Variants in IGDCC3 observed in about 807,000 individuals in gnomAD.
IGDCC3 encodes immunoglobulin superfamily DCC subclass member 3.
Under a neutral mutation model 72.0 loss-of-function variants are expected in IGDCC3, and 47 were observed. The observed-to-expected ratio is 0.65, with a 90% CI of 0.52 to 0.83. The LOEUF (loss-of-function observed/expected upper bound fraction) is 0.83, where lower values mean the gene tolerates loss of function less well. Among genes scored for constraint, IGDCC3 ranks in the 40% least tolerant of loss-of-function variants. IGDCC3 has a pLI of 0.00. For missense variants in IGDCC3, 1,038 were observed against 1,091.3 expected, an observed-to-expected ratio of 0.95 and a Z score of 0.69; for synonymous variants, 477 against 472.8, an observed-to-expected ratio of 1.01 and a Z score of -0.11.
At chr15:65,358,050 G>T (rs935410627) in intron 2 of IGDCC3, among the ~76,000 whole-genome samples, 4 of 150,754 alleles carry the variant, frequency 2.7e-5, no homozygotes, top group Non-Finnish European at 4.4e-5. Flanking sequence ...TTTCTAGAGA[G>T]AAAAAAGATC....
chr15:65,336,049 G>A, intron 2 of IGDCC3, 93 bp from the exon 3 acceptor site: 1 of 1,328,940 alleles, frequency 7.5e-7, no homozygotes, highest in Non-Finnish European at 1.1e-6. Context: ...ACGGAGACCT[G>A]GAGCCCACTC....
chr15:65,375,242 G>GGA lies in IGDCC3; in HGVS notation c.262_263dup (p.Thr89ProfsTer9). 6.2e-7 allele frequency: 1 copy of GGA among 1,614,230 alleles called. No homozygotes were observed. Among genetic ancestry groups the GGA allele is most frequent in the South Asian group, 1.1e-5 (1 of 91,086 alleles). ...TCAAGGACCCATTGGCCAGCAAGGT[G>GGA]GAGTGGGTACTCTCTGGCAGCTCTA... On this transcript the variant is annotated frameshift_variant, in exon 2 of 14. Transcript: ENST00000327987. LOFTEE classifies it high-confidence loss of function.
intron 2 of IGDCC3, among the ~76,000 whole-genome samples, chr15:65,352,911 C>T (rs1025602835): frequency 3.9e-5 from 6 of 152,118 alleles, no homozygotes; most frequent in African/African-American, 1.2e-4. Flanking sequence ...TTTGTTTCTG[C>T]AATTTAGGCT....
chr15:65,366,075 G>A (rs1392271633), intron 2 of IGDCC3, among the ~76,000 whole-genome samples: 1 of 152,100 alleles, frequency 6.6e-6, no homozygotes, highest in Non-Finnish European at 1.5e-5. Flanking sequence ...GGGCGTGGTG[G>A]CAGGCGCCTG....
Position 65,328,842 on chromosome 15 carries a change from G to C in IGDCC3, c.*67C>G. Reference sequence around the variant, plus strand: ...ACCATCCAAATCCCACATGACAGTAGAAATCTTGCTTTTGACCTGAGAATG... The same window carrying C: ...ACCATCCAAATCCCACATGACAGTACAAATCTTGCTTTTGACCTGAGAATG... On this transcript the variant is annotated 3_prime_UTR_variant, in exon 14 of 14. Coordinates refer to ENST00000327987, the MANE Select transcript of IGDCC3 (RefSeq NM_004884.4). 6.7e-7 allele frequency: 1 copy of C among 1,485,606 alleles called. No homozygotes were observed. Among genetic ancestry groups the C allele is most frequent in the Non-Finnish European group, 8.9e-7 (1 of 1,117,322 alleles). 92.0% of individuals were successfully genotyped at this position (1,485,606 alleles called of 1,614,324 possible).
rs551236424 is a variant in IGDCC3 at position 65,330,403 on chromosome 15, G to A, written c.1754-6C>T. On this transcript the variant is annotated splice_polypyrimidine_tract_variant and splice_region_variant and intron_variant, in intron 10 of 13. Transcript: ENST00000327987. ...CTCATACACTGCAGTGGGGTCTGGA[G>A]GAAGGCAGGGCGGATGAGCAACTGC... 1.9e-6 allele frequency: 3 copies of A among 1,609,876 alleles called. No homozygotes were observed. Among genetic ancestry groups the A allele is most frequent in the Admixed American group, 1.7e-5 (1 of 59,896 alleles).
Position 65,377,566 on chromosome 15 carries a change from G to C in IGDCC3, c.103+120C>G. 2 of 1,022,540 alleles carry C rather than the reference G, an allele frequency of 2.0e-6. No individual in the cohort carries two copies. The highest frequency in any genetic ancestry group is 3.7e-5 in the East Asian group (1 of 27,384). 63.3% of individuals were successfully genotyped at this position (1,022,540 alleles called of 1,614,324 possible). On this transcript the variant is annotated intron_variant, in intron 1 of 13. Coordinates refer to ENST00000327987, the MANE Select transcript of IGDCC3 (RefSeq NM_004884.4). The surrounding 1 kb of genome is among the most constrained non-coding windows in gnomAD (Gnocchi z 4.9). ...CGGATCCGCAGGGTCCCCCCCGCGC[G>C]GGGTCCGCCCTCAGGTCCGCGCCGC...
intron 2 of IGDCC3, among the ~76,000 whole-genome samples, chr15:65,347,077 G>T (rs577167387): frequency 6.6e-6 from 1 of 152,136 alleles, no homozygotes; most frequent in African/African-American, 2.4e-5. Flanking sequence ...AACCTGCCCA[G>T]TCCCACAATA....
At chr15:65,369,655 AG>A (rs1420763667) in intron 2 of IGDCC3, among the ~76,000 whole-genome samples, 2 of 152,094 alleles carry the variant, frequency 1.3e-5, no homozygotes, top group Non-Finnish European at 2.9e-5. Flanking sequence ...GTTAAGCGGG[AG>A]AAGAACTTCA....
chr15:65,328,954 CCTGGAAG>C lies in IGDCC3; in HGVS notation c.2393_2399del (p.Ala798GlyfsTer108), dbSNP rs2090948577. The C allele has an allele frequency of 1.3e-6, 2 of 1,582,250 alleles. No individual in the cohort carries two copies. Among genetic ancestry groups the C allele is most frequent in the African/African-American group, 1.4e-5 (1 of 73,460 alleles). On this transcript the variant is annotated frameshift_variant, in exon 14 of 14. Coordinates refer to ENST00000327987, the MANE Select transcript of IGDCC3 (RefSeq NM_004884.4). LOFTEE classifies it low-confidence loss of function (END_TRUNC). The stretch of plus-strand genomic sequence containing the variant: ...GCTGGGTAACCCGGGCCGCTGCAGG[CCTGGAAG>C]CCTGGCCTTCACTGAGGAGGCCAGG...
rs766472764 is a variant in IGDCC3 at position 65,356,848 on chromosome 15, C to CTTT, written c.409+18246_409+18248dup. ...GATGTGAGATTTGAGAATGGACCTG[C>CTTT]TTTTTTTTTTTTTTTTTTTGAGATG... is the stretch of plus-strand genomic sequence containing the variant. On this transcript the variant is annotated intron_variant, in intron 2 of 13. Coordinates refer to ENST00000327987, the MANE Select transcript of IGDCC3 (RefSeq NM_004884.4). 2.8e-3 allele frequency among the ~76,000 whole-genome samples: 197 copies of CTTT among 70,880 alleles called. 25 individuals carry two copies. The highest frequency in any genetic ancestry group is 9.3e-3 in the African/African-American group (140 of 15,030). 46.5% of individuals were successfully genotyped at this position (70,880 alleles called of 152,430 possible). A position where few individuals can be genotyped will look rare whatever the true frequency, so the allele number is the denominator to read the frequency against.
intron 4 of IGDCC3, 103 bp downstream of exon 4, chr15:65,335,188 G>T: frequency 7.8e-7 from 1 of 1,288,716 alleles, no homozygotes; most frequent in Non-Finnish European, 1.1e-6. Context: ...CACGCACGTG[G>T]CTGAGAAGGC....
At chr15:65,331,906 C>T (rs1374138026) in intron 7 of IGDCC3, 35 bp downstream of exon 7, 2 of 1,596,102 alleles carry the variant, frequency 1.3e-6, no homozygotes, top group South Asian at 2.2e-5. Context: ...CCTGCTCTCC[C>T]CTGGTCCTCA....
rs1028353212 is a variant in IGDCC3, at chr15:65,361,353, G to T, written c.409+13744C>A. ...GGTACTTGGGAGGCTGAGGTGGGAG[G>T]ATTGTTTGGGCCCCAGAGGTTGAGG... is the stretch of plus-strand genomic sequence containing the variant. On this transcript the variant is annotated intron_variant, in intron 2 of 13. Transcript: ENST00000327987. 2.6e-5 allele frequency among the ~76,000 whole-genome samples: 4 copies of T among 151,652 alleles called. 1 individual carries two copies. Among genetic ancestry groups the T allele is most frequent in the Non-Finnish European group, 5.9e-5 (4 of 67,936 alleles).
intron 2 of IGDCC3, chr15:65,356,076 T>C: frequency 4.0e-6 from 1 of 250,468 alleles, no homozygotes; most frequent in South Asian, 3.4e-5. Flanking sequence ...AGGGGCGCTC[T>C]AACTGAGCGC....
chr15:65,329,033 G>A lies in IGDCC3; in HGVS notation c.2321C>T (p.Ala774Val). 1.2e-6 allele frequency: 2 copies of A among 1,612,664 alleles called. No homozygotes were observed. Among genetic ancestry groups the A allele is most frequent in the South Asian group, 2.2e-5 (2 of 90,994 alleles). ...GGCAGCCGCCAGGCCGGCGCAGGGA[G>A]CCGTGGCCTCTGTGGTCTTCGCCTC... is the stretch of plus-strand genomic sequence containing the variant. ...TTEAKTTEAT[A>V]PCAGLAAAPP... The change falls in exon 14 of 14, where the codon GCT becomes GTT. Residue 774 changes from alanine to valine, a missense_variant. Transcript: ENST00000327987. This position sits in a 1 kb window ranked among gnomAD's most constrained non-coding sequence, Gnocchi z 4.1.
chr15:65,360,264 G>A (rs915774817), intron 2 of IGDCC3, among the ~76,000 whole-genome samples: 1 of 152,208 alleles, frequency 6.6e-6, no homozygotes, highest in African/African-American at 2.4e-5. Context: ...CAGCCTGCCT[G>A]TAATGATCCT....
At chr15:65,333,454 T>G (rs755913401) in intron 5 of IGDCC3, 39 bp from the exon 6 acceptor site, 2 of 1,545,652 alleles carry the variant, frequency 1.3e-6, no homozygotes, top group Admixed American at 1.9e-5. Flanking sequence ...GAGGGTCAGA[T>G]AGAGATATGG....
chr15:65,337,590 G>A (rs1049039058), intron 2 of IGDCC3, among the ~76,000 whole-genome samples: 3 of 152,136 alleles, frequency 2.0e-5, no homozygotes, highest in Non-Finnish European at 4.4e-5. Flanking sequence ...TGGGAGGTGG[G>A]CCTTCCCGGC....
Sources: gnomAD v4.1 joint callset for allele counts (sites outside exome capture counted in the v4.1 genomes callset) on GRCh38, gnomAD v4.1.1 for gene constraint, Gnocchi (gnomAD v3.1) non-coding constraint, MANE v1.5 for transcripts, NCBI Gene and HGNC (gene_info 2026-07-23, HGNC 2026-07-21) for gene names.